CHST4: variants seen among roughly 807,000 people sequenced by gnomAD.
CHST4 encodes the protein GST-3.
For synonymous variants in CHST4, 171 were observed against 195.5 expected (o/e 0.87, Z 1.05); for missense variants, 466 against 506.0 (o/e 0.92, Z 0.76).
At chr16:71,535,929 G>A (rs1261315148) in intron 1 of CHST4, among the ~76,000 whole-genome samples, 1 of 152,196 alleles carries the variant, frequency 6.6e-6, no homozygotes, top group Non-Finnish European at 1.5e-5. Flanking sequence ...GAAATGGGCA[G>A]GTGAGGTCAG....
At chr16:71,536,385 A>C (rs1208930889) in intron 1 of CHST4, among the ~76,000 whole-genome samples, 1 of 152,196 alleles carries the variant, frequency 6.6e-6, no homozygotes, top group African/African-American at 2.4e-5. Context: ...TTGAGTTCAG[A>C]TATTTTTGGT....
intron 1 of CHST4, among the ~76,000 whole-genome samples, chr16:71,534,929 T>A (rs2043976337): frequency 6.6e-6 from 1 of 152,192 alleles, no homozygotes; most frequent in African/African-American, 2.4e-5. Context: ...GTTATTTATG[T>A]CAGAAGGTCA....
intron 1 of CHST4, among the ~76,000 whole-genome samples, chr16:71,529,862 A>G (rs1204014817): frequency 3.3e-5 from 5 of 152,140 alleles, no homozygotes; most frequent in African/African-American, 1.2e-4. Context: ...TAATCTCAAG[A>G]GGGGGCTGGG....
Position 71,538,214 on chromosome 16 carries a change from C to G in CHST4, c.*376C>G. On this transcript the variant is annotated 3_prime_UTR_variant, in exon 2 of 2. Coordinates refer to ENST00000539698, the MANE Select transcript of CHST4 (RefSeq NM_001166395.2). The stretch of plus-strand genomic sequence containing the variant: ...ACATCTTGCCCAATGGGGAATGGAT[C>G]TTTCACCAAAGAGCTCACCAGCATT... 9.8e-6 allele frequency: 2 copies of G among 204,106 alleles called. No homozygotes were observed. 12.6% of individuals were successfully genotyped at this position (204,106 alleles called of 1,614,324 possible).
intron 1 of CHST4, among the ~76,000 whole-genome samples, chr16:71,527,449 T>C (rs1283264834): frequency 1.3e-5 from 2 of 152,152 alleles, no homozygotes; most frequent in Non-Finnish European, 2.9e-5. Flanking sequence ...ATCAAATACA[T>C]TTAAGAAATA....
At chr16:71,532,628 C>T (rs578238662) in intron 1 of CHST4, among the ~76,000 whole-genome samples, 7 of 152,320 alleles carry the variant, frequency 4.6e-5, no homozygotes, top group African/African-American at 1.4e-4. Context: ...CATGCTTTCC[C>T]TTCAGGAAGA....
chr16:71,536,896 G>A lies in CHST4; in HGVS notation c.219G>A (p.Glu73=). 1 of 1,593,136 alleles carries A rather than the reference G, an allele frequency of 6.3e-7. No individual in the cohort carries two copies. Residue 73 remains glutamate (E), a synonymous_variant, in exon 2 of 2, where the codon GAG becomes GAA. Coordinates refer to ENST00000539698, the MANE Select transcript of CHST4 (RefSeq NM_001166395.2). ...GQHPDVFYLM[E]PAWHVWMTFK... is the part of the protein sequence containing the mutation. ...ACCCAGATGTTTTCTACCTGATGGA[G>A]CCCGCCTGGCACGTGTGGATGACCT...
intron 1 of CHST4, among the ~76,000 whole-genome samples, chr16:71,528,249 C>CAA (rs10716662): frequency 3.7e-5 from 4 of 109,288 alleles, no homozygotes; most frequent in East Asian, 3.4e-4. Flanking sequence ...GACTTCATTT[C>CAA]AAAAAAAAAA....
In CHST4 at chr16:71,537,020, C is replaced by T. The variant is rs775213676; in HGVS notation, c.343C>T (p.Pro115Ser). 4 of 1,614,102 alleles carry T rather than the reference C, an allele frequency of 2.5e-6. No homozygotes were observed. The highest frequency in any genetic ancestry group is 2.2e-5 in the East Asian group (1 of 44,878). ...DMSVFDAYME[P>S]GPRRQSSLFQ... ...GAGCGTCTTTGATGCCTACATGGAA[C>T]CTGGTCCCCGGAGACAGTCCAGCCT... is the stretch of plus-strand genomic sequence containing the variant. The change falls in exon 2 of 2, where the codon CCT becomes TCT. Residue 115 changes from proline (P) to serine (S), a missense_variant. Physicochemically the swap from Pro to Ser is moderately conservative, Grantham distance 74 (BLOSUM62 -1). Coordinates refer to ENST00000539698, the MANE Select transcript of CHST4 (RefSeq NM_001166395.2). This position sits in a 1 kb window ranked among gnomAD's most constrained non-coding sequence, Gnocchi z 4.2.
chr16:71,526,575 C>G (rs987465854), intron 1 of CHST4, 80 bp downstream of exon 1: 5 of 152,212 alleles, frequency 3.3e-5, no homozygotes, highest in African/African-American at 1.2e-4. Context: ...CAGATAACCT[C>G]TGGCAGCTAA....
chr16:71,533,435 A>C (rs944265689), intron 1 of CHST4, among the ~76,000 whole-genome samples: 3 of 144,700 alleles, frequency 2.1e-5, no homozygotes, highest in South Asian at 2.1e-4. Context: ...TCAAAAAAAA[A>C]AAAAAACAAA....
intron 1 of CHST4, among the ~76,000 whole-genome samples, chr16:71,535,565 C>T (rs1169293374): frequency 6.6e-6 from 1 of 152,048 alleles, no homozygotes; most frequent in Non-Finnish European, 1.5e-5. Flanking sequence ...TGGGATGGCA[C>T]TCCCTAGGGT....
chr16:71,538,184 T>C lies in CHST4; in HGVS notation c.*346T>C, dbSNP rs1273800205. On this transcript the variant is annotated 3_prime_UTR_variant, in exon 2 of 2. Transcript: ENST00000539698. The stretch of plus-strand genomic sequence containing the variant: ...AGTGGAATTGATCCATAAACCTCCC[T>C]GTCCACATCTTGCCCAATGGGGAAT... 2.1e-5 allele frequency: 5 copies of C among 242,972 alleles called. No individual in the cohort carries two copies. In the East Asian group the frequency reaches 4.9e-4, roughly 24 times the overall value. The allele number at this position is 242,972 out of a possible 1,614,324, so 15.1% of individuals were successfully genotyped here. A position where few individuals can be genotyped will look rare whatever the true frequency, so the allele number is the denominator to read the frequency against.
At chr16:71,535,627 C>T (rs2043981494) in intron 1 of CHST4, among the ~76,000 whole-genome samples, 1 of 152,014 alleles carries the variant, frequency 6.6e-6, no homozygotes, top group South Asian at 2.1e-4. Flanking sequence ...GTAGGTTGTC[C>T]CACGTAATCA....
Position 71,537,151 on chromosome 16 carries a change from A to C in CHST4, c.474A>C (p.Gln158His), listed in dbSNP as rs372967590. 6.2e-7 allele frequency: 1 copy of C among 1,614,028 alleles called. No individual in the cohort carries two copies. Among genetic ancestry groups the C allele is most frequent in the African/African-American group, 1.3e-5 (1 of 74,902 alleles). ...PRAHCRLLCS[Q>H]QPFEVVEKAC... ...CTCACTGCAGGCTCCTGTGCAGTCA[A>C]CAGCCCTTTGAGGTGGTGGAGAAGG... Residue 158 changes from glutamine (Q) to histidine (H), a missense_variant, in exon 2 of 2, where the codon CAA becomes CAC. Coordinates refer to ENST00000539698, the MANE Select transcript of CHST4 (RefSeq NM_001166395.2). This position sits in a 1 kb window ranked among gnomAD's most constrained non-coding sequence, Gnocchi z 4.2.
chr16:71,527,562 C>T (rs2043917472), intron 1 of CHST4, among the ~76,000 whole-genome samples: 1 of 152,102 alleles, frequency 6.6e-6, no homozygotes, highest in East Asian at 1.9e-4. Context: ...GCCCGGCCAA[C>T]ATGGCGAAAC....
chr16:71,530,161 G>C (rs768061635), intron 1 of CHST4, among the ~76,000 whole-genome samples: 34 of 151,606 alleles, frequency 2.2e-4, no homozygotes, highest in Non-Finnish European at 4.3e-4. Flanking sequence ...AAAAAAAAAA[G>C]TCTCAGGAGA....
chr16:71,534,843 T>C (rs1471082534), intron 1 of CHST4, among the ~76,000 whole-genome samples: 8 of 152,190 alleles, frequency 5.3e-5, no homozygotes, highest in Non-Finnish European at 1.5e-5. Context: ...CTTGTGTACA[T>C]GGTGATATAC....
At chr16:71,534,430 T>C (rs1028011382) in intron 1 of CHST4, among the ~76,000 whole-genome samples, 4 of 149,600 alleles carry the variant, frequency 2.7e-5, no homozygotes, top group Admixed American at 6.7e-5. Context: ...CAATCTCGGC[T>C]CACTGCAATC....
Sources: allele counts gnomAD v4.1 joint callset (sites outside exome capture counted in the v4.1 genomes callset), GRCh38; gene constraint gnomAD v4.1.1; non-coding constraint Gnocchi (gnomAD v3.1); transcripts MANE v1.5; gene names NCBI Gene and HGNC (gene_info 2026-07-23, HGNC 2026-07-21).